PCBP3: variants seen among roughly 807,000 people sequenced by gnomAD.
The protein encoded by PCBP3 is poly(rC)-binding protein 3.
In PCBP3, 25 loss-of-function variants were observed where a neutral mutation model predicts 52.7. The ratio of observed to expected loss-of-function variants is 0.47; its 90% confidence interval spans 0.35 to 0.66. PCBP3 has a LOEUF of 0.66. Among genes scored for constraint, PCBP3 ranks in the 30% least tolerant of loss-of-function variants. The pLI is 0.01. For synonymous variants in PCBP3, 162 were observed against 183.0 expected, an observed-to-expected ratio of 0.89 and a Z score of 0.93; for missense variants, 391 against 490.3, an observed-to-expected ratio of 0.80 and a Z score of 1.91.
chr21:45,855,917 G>A (rs530637212), intron 5 of PCBP3, among the ~76,000 whole-genome samples: 14 of 152,334 alleles, frequency 9.2e-5, no homozygotes, highest in African/African-American at 2.9e-4. Flanking sequence ...GAGTCACACC[G>A]TACAAACCGT....
intron 2 of PCBP3, among the ~76,000 whole-genome samples, chr21:45,715,713 T>C (rs1453852004): frequency 6.6e-6 from 1 of 152,236 alleles, no homozygotes; most frequent in East Asian, 1.9e-4. Flanking sequence ...GTTATTTTGA[T>C]TGGCATTTAT....
chr21:45,717,208 T>C (rs1363941680), intron 2 of PCBP3, among the ~76,000 whole-genome samples: 2 of 152,192 alleles, frequency 1.3e-5, no homozygotes, highest in Non-Finnish European at 2.9e-5. Context: ...TGCCACCTTG[T>C]TGAACTTTAT....
intron 3 of PCBP3, among the ~76,000 whole-genome samples, chr21:45,743,923 A>G (rs974100765): frequency 1.3e-5 from 2 of 152,052 alleles, no homozygotes; most frequent in African/African-American, 4.8e-5. Flanking sequence ...ATAGAATTCT[A>G]CCTTTAATAG....
At chr21:45,713,662 C>G (rs548424796) in intron 2 of PCBP3, among the ~76,000 whole-genome samples, 1 of 152,230 alleles carries the variant, frequency 6.6e-6, no homozygotes, top group African/African-American at 2.4e-5. Flanking sequence ...CCGCTACTTG[C>G]ATGGTGCACG....
intron 4 of PCBP3, among the ~76,000 whole-genome samples, chr21:45,832,961 A>G (rs538752743): frequency 6.6e-6 from 1 of 152,286 alleles, no homozygotes; most frequent in East Asian, 1.9e-4. Context: ...TGAGAACGGT[A>G]TGGTGGAAAC....
chr21:45,836,914 G>T (rs994823655), intron 4 of PCBP3, among the ~76,000 whole-genome samples: 7 of 152,130 alleles, frequency 4.6e-5, no homozygotes, highest in African/African-American at 1.7e-4. Context: ...TAGTGTTCCA[G>T]TGTGTGAATA....
At chr21:45,941,002 CT>C (rs2077408554) in intron 17 of PCBP3, among the ~76,000 whole-genome samples, 1 of 152,228 alleles carries the variant, frequency 6.6e-6, no homozygotes, top group Non-Finnish European at 1.5e-5. Flanking sequence ...CCTGGAACCC[CT>C]GTCCCGGTGA....
At chr21:45,915,118 C>T (rs2073163000) in intron 12 of PCBP3, 1 of 152,334 alleles carries the variant, frequency 6.6e-6, no homozygotes, top group Non-Finnish European at 1.5e-5. Flanking sequence ...GCCTGGCACA[C>T]ACCCCTTCCT....
chr21:45,813,280 A>T (rs2092733036), intron 4 of PCBP3, among the ~76,000 whole-genome samples: 1 of 152,132 alleles, frequency 6.6e-6, no homozygotes, highest in Non-Finnish European at 1.5e-5. Context: ...GTTGCTTTGT[A>T]TGCAGTATGT....
At chr21:45,650,322 G>A (rs1280007123) in intron 1 of PCBP3, among the ~76,000 whole-genome samples, 2 of 152,060 alleles carry the variant, frequency 1.3e-5, no homozygotes, top group Admixed American at 6.6e-5. Context: ...TAAATTATTG[G>A]ACCCAATATG....
intron 5 of PCBP3, among the ~76,000 whole-genome samples, chr21:45,878,052 C>T (rs1177899484): frequency 1.3e-5 from 2 of 152,354 alleles, no homozygotes; most frequent in South Asian, 2.1e-4. Flanking sequence ...AGAGAAGCTC[C>T]GCATTTCTGT....
chr21:45,874,591 G>A (rs572802004), intron 5 of PCBP3, among the ~76,000 whole-genome samples: 157 of 149,876 alleles, frequency 1.0e-3, no homozygotes, highest in African/African-American at 3.8e-3. Flanking sequence ...CTGCAACCTC[G>A]GGCTCCCAGG....
At chr21:45,862,861 A>G (rs2094562349) in intron 5 of PCBP3, among the ~76,000 whole-genome samples, 1 of 152,154 alleles carries the variant, frequency 6.6e-6, no homozygotes, top group Non-Finnish European at 1.5e-5. Context: ...CTTGTGTAAC[A>G]TGGTGGGATC....
chr21:45,725,572 T>G (rs2084963684), intron 2 of PCBP3, among the ~76,000 whole-genome samples: 1 of 152,176 alleles, frequency 6.6e-6, no homozygotes, highest in African/African-American at 2.4e-5. Context: ...GCCTCCACAG[T>G]GCTCTTCCCG....
chr21:45,874,840 T>C (rs547314285), intron 5 of PCBP3, among the ~76,000 whole-genome samples: 80 of 152,316 alleles, frequency 5.3e-4, no homozygotes, highest in African/African-American at 1.9e-3. Flanking sequence ...CCTGTGGTTT[T>C]CGCTGCCCGT....
intron 4 of PCBP3, among the ~76,000 whole-genome samples, chr21:45,825,721 A>G (rs1603444920): frequency 6.6e-6 from 1 of 151,936 alleles, no homozygotes; most frequent in Non-Finnish European, 1.5e-5. Context: ...AACTGGGAGG[A>G]GGGAAGACTC....
intron 4 of PCBP3, among the ~76,000 whole-genome samples, chr21:45,848,904 A>G (rs1312079601): frequency 1.3e-5 from 2 of 152,022 alleles, no homozygotes; most frequent in Non-Finnish European, 2.9e-5. Context: ...CCTTTTTTCT[A>G]TTTATTTTAA....
chr21:45,914,002 C>G lies in PCBP3; in HGVS notation c.652C>G (p.Pro218Ala), dbSNP rs1050501045. 1 of 1,613,712 alleles carries G rather than the reference C, an allele frequency of 6.2e-7. No homozygotes were observed. Among genetic ancestry groups the G allele is most frequent in the Non-Finnish European group, 8.5e-7 (1 of 1,179,934 alleles). Reference sequence around the variant, plus strand: ...CTACCGCCCAAAGCCCGCCTCCACCCCTGTCATTTTTGCAGGTGGTCAGGT... The same window carrying G: ...CTACCGCCCAAAGCCCGCCTCCACCGCTGTCATTTTTGCAGGTGGTCAGGT... ...IPYRPKPAST[P>A]VIFAGGQAYT... is the part of the protein sequence containing the mutation. Residue 218 changes from proline to alanine, a missense_variant, in exon 12 of 18, where the codon CCT (proline) becomes GCT (alanine). Transcript: ENST00000681687.
At chr21:45,849,274 C>T (rs1247131289) in intron 4 of PCBP3, among the ~76,000 whole-genome samples, 1 of 150,040 alleles carries the variant, frequency 6.7e-6, no homozygotes, top group Non-Finnish European at 1.5e-5. Flanking sequence ...GGCGCAATCT[C>T]AGCTCACTGC....
Sources: allele counts gnomAD v4.1 joint callset (sites outside exome capture counted in the v4.1 genomes callset), GRCh38; gene constraint gnomAD v4.1.1; transcripts MANE v1.5; gene names NCBI Gene and HGNC (gene_info 2026-07-23, HGNC 2026-07-21).